POC1A: variants seen among roughly 807,000 people sequenced by gnomAD.
POC1A encodes the protein POC1 centriolar protein A.
In POC1A, 34 loss-of-function variants were observed where a neutral mutation model predicts 47.8. The ratio of observed to expected loss-of-function variants is 0.71; its 90% CI spans 0.54 to 0.95. The LOEUF is 0.95. POC1A is among the 40% of genes least tolerant of loss of function. The pLI, the probability that POC1A is intolerant of heterozygous loss-of-function variation, is 0.00. For synonymous variants in POC1A, 177 were observed against 207.6 expected (o/e 0.85, Z 1.27); for missense variants, 466 against 528.3 (o/e 0.88, Z 1.16).
chr3:52,127,314 G>T (rs1380890095), intron 7 of POC1A, among the ~76,000 whole-genome samples: 1 of 152,134 alleles, frequency 6.6e-6, no homozygotes, highest in Non-Finnish European at 1.5e-5. Flanking sequence ...TCACCAAGGG[G>T]TTAACAGAGG....
Position 52,149,873 on chromosome 3 carries a change from C to T in POC1A, c.218G>A (p.Gly73Glu). The T allele has an allele frequency of 6.2e-7, 1 of 1,613,986 alleles. No homozygotes were observed. The highest frequency in any genetic ancestry group is 1.3e-5 in the African/African-American group (1 of 75,052). ...TCGGGAGCCGGAAGCAAGCAGGTGT[C>T]CCGAAGGAGAGAAGTTCACACAGGT... ...AVTCVNFSPS[G>E]HLLASGSRDK... The change falls in exon 3 of 11, where the codon GGA becomes GAA. Residue 73 changes from glycine to glutamate, a missense_variant. Transcript: ENST00000296484.
At chr3:52,101,755 T>C (rs886430967) in intron 9 of POC1A, among the ~76,000 whole-genome samples, 2 of 152,164 alleles carry the variant, frequency 1.3e-5, no homozygotes, top group African/African-American at 4.8e-5. Flanking sequence ...CTCTAACACA[T>C]GGACAATTGG....
At chr3:52,088,530 C>T (rs1359886715) in intron 10 of POC1A, among the ~76,000 whole-genome samples, 1 of 152,152 alleles carries the variant, frequency 6.6e-6, no homozygotes, top group Non-Finnish European at 1.5e-5. Flanking sequence ...AACTACAGCC[C>T]TTCCTGGCCC....
intron 9 of POC1A, among the ~76,000 whole-genome samples, chr3:52,101,090 CAAAAAAAAAAA>C (rs146285042): frequency 1.8e-5 from 1 of 56,956 alleles, no homozygotes. Context: ...CAACCCTCAG[CAAAAAAAAAAA>C]AAAAAAAAAT....
intron 10 of POC1A, among the ~76,000 whole-genome samples, chr3:52,094,940 A>G (rs1358394206): frequency 6.6e-6 from 1 of 152,230 alleles, no homozygotes; most frequent in Middle Eastern, 3.2e-3. Flanking sequence ...AGTTACTATC[A>G]TACTCCTAAC....
chr3:52,085,013 G>A (rs1208143731), intron 10 of POC1A, among the ~76,000 whole-genome samples: 2 of 152,246 alleles, frequency 1.3e-5, no homozygotes, highest in East Asian at 1.9e-4. Flanking sequence ...GGCACCAGTG[G>A]CTGATGGGGC....
chr3:52,081,712 G>A (rs1292198507), intron 10 of POC1A, among the ~76,000 whole-genome samples: 3 of 152,184 alleles, frequency 2.0e-5, no homozygotes, highest in Non-Finnish European at 4.4e-5. Flanking sequence ...CAGAGCAGGA[G>A]GGTGCTGGGG....
intron 9 of POC1A, among the ~76,000 whole-genome samples, chr3:52,121,561 T>A (rs1046524785): frequency 2.0e-5 from 3 of 152,170 alleles, no homozygotes; most frequent in Admixed American, 2.0e-4. Context: ...CAGGATAGAC[T>A]CAGGAGGCTT....
chr3:52,117,253 T>C, intron 9 of POC1A, among the ~76,000 whole-genome samples: 1 of 151,858 alleles, frequency 6.6e-6, no homozygotes, highest in East Asian at 1.9e-4. Flanking sequence ...CTCAGGAGGC[T>C]GAGACAGGAG....
chr3:52,121,501 G>T (rs1703779369), intron 9 of POC1A, among the ~76,000 whole-genome samples: 1 of 152,248 alleles, frequency 6.6e-6, no homozygotes, highest in African/African-American at 2.4e-5. Flanking sequence ...GCATGTGTGT[G>T]TGTTGGGGTG....
At chr3:52,076,140 G>A (rs963222848) in intron 10 of POC1A, among the ~76,000 whole-genome samples, 155 bp from the exon 11 acceptor site, 4 of 152,170 alleles carry the variant, frequency 2.6e-5, no homozygotes, top group African/African-American at 9.7e-5. Flanking sequence ...CTTGTCTCTG[G>A]TGCTATTGGG....
chr3:52,135,990 G>T (rs1399966401), intron 7 of POC1A, among the ~76,000 whole-genome samples: 1 of 152,154 alleles, frequency 6.6e-6, no homozygotes, highest in East Asian at 1.9e-4. Context: ...GGATGGGAGA[G>T]AATCAGCCTC....
At position 52,104,007 on chromosome 3, in the gene POC1A, G is replaced by T. The variant is rs115474808; in HGVS notation, c.982-7295C>A. Among the ~76,000 whole-genome samples, 1,169 of 152,276 alleles carry T rather than the reference G, an allele frequency of 7.7e-3. 9 individuals are homozygous for T. The highest frequency in any genetic ancestry group is 0.026 in the African/African-American group (1,095 of 41,526). On this transcript the variant is annotated intron_variant, in intron 9 of 10. Transcript: ENST00000296484. ...CTCCTACGTATTTACCCAAGAAAATGGAAGCATATTTCCATAGAAAAATAT... is the reference window on the plus strand; with the variant it reads ...CTCCTACGTATTTACCCAAGAAAATTGAAGCATATTTCCATAGAAAAATAT...
At chr3:52,147,156 C>T in intron 4 of POC1A, 61 bp from the exon 5 acceptor site, 6 of 1,277,190 alleles carry the variant, frequency 4.7e-6, no homozygotes, top group Non-Finnish European at 6.8e-6. Context: ...CACCACACAC[C>T]TTCTTCCACA....
chr3:52,145,963 T>A lies in POC1A; in HGVS notation c.564-2A>T, dbSNP rs893325651. On this transcript the variant is annotated splice_acceptor_variant, in intron 5 of 10. Transcript: ENST00000296484. LOFTEE classifies it high-confidence loss of function. ...TGGAAGTCCACATAGGTGACAAAGC[T>A]GGAAAGACAGGGGCCACTATGCACT... 6.3e-7 allele frequency: 1 copy of A among 1,595,292 alleles called. No homozygotes were observed. The highest frequency in any genetic ancestry group is 1.3e-5 in the African/African-American group (1 of 74,650).
chr3:52,145,078 T>C (rs550307281), intron 6 of POC1A, among the ~76,000 whole-genome samples: 1 of 152,272 alleles, frequency 6.6e-6, no homozygotes, highest in South Asian at 2.1e-4. Flanking sequence ...AGCTACACAA[T>C]TCCCAGTTTC....
intron 1 of POC1A, 196 bp from the exon 2 acceptor site, chr3:52,151,296 T>A: frequency 1.5e-6 from 1 of 648,064 alleles, no homozygotes; most frequent in Non-Finnish European, 2.3e-6. Context: ...AATTAATACA[T>A]CAACTGTGGA....
rs1702612965 is a variant in POC1A at position 52,090,638 on chromosome 3, C to A, written c.1125+5931G>T. The stretch of plus-strand genomic sequence containing the variant: ...TAGCAGTGGCTATTTGTGGAAACAG[C>A]CTCTCTCCCTGCTCACTGGAGAAGT... On this transcript the variant is annotated intron_variant, in intron 10 of 10. Transcript: ENST00000296484. This position sits in a 1 kb window ranked among gnomAD's most constrained non-coding sequence, Gnocchi z 4.2. Among the ~76,000 whole-genome samples the A allele has an allele frequency of 6.6e-6, 1 of 152,176 alleles. No individual in the cohort carries two copies. Among genetic ancestry groups the A allele is most frequent in the Non-Finnish European group, 1.5e-5 (1 of 68,032 alleles).
At chr3:52,120,519 A>G (rs1029459911) in intron 9 of POC1A, among the ~76,000 whole-genome samples, 7 of 152,374 alleles carry the variant, frequency 4.6e-5, no homozygotes, top group African/African-American at 1.7e-4. Flanking sequence ...AGCTCTCATC[A>G]GAGCCTGCCT....
Sources: gnomAD v4.1 joint callset for allele counts (sites outside exome capture counted in the v4.1 genomes callset) on GRCh38, gnomAD v4.1.1 for gene constraint, Gnocchi (gnomAD v3.1) non-coding constraint, MANE v1.5 for transcripts, NCBI Gene and HGNC (gene_info 2026-07-23, HGNC 2026-07-21) for gene names.